The following IYD variants were observed in gnomAD, a reference collection of about 807,000 sequenced individuals.
IYD encodes iodotyrosine deiodinase 1.
Under a neutral mutation model 28.4 loss-of-function variants are expected in IYD, and 25 were observed. The ratio of observed to expected loss-of-function variants is 0.88; its 90% confidence interval spans 0.64 to 1.23. The LOEUF (loss-of-function observed/expected upper bound fraction) is 1.23, where lower values mean the gene tolerates loss of function less well. Among genes scored for constraint, IYD ranks in the 50% most tolerant of loss-of-function variants. The pLI is 0.00. For missense variants in IYD, 352 were observed against 357.9 expected (o/e 0.98, Z 0.13); for synonymous variants, 140 against 130.8 (o/e 1.07, Z -0.48).
At chr6:150,381,060 G>T (rs1029599260) in intron 1 of IYD, among the ~76,000 whole-genome samples, 3 of 152,168 alleles carry the variant, frequency 2.0e-5, no homozygotes, top group Non-Finnish European at 2.9e-5. Flanking sequence ...GTGAGCAACA[G>T]GAAGTTTATT....
intron 1 of IYD, among the ~76,000 whole-genome samples, chr6:150,384,061 A>C (rs1777767317): frequency 6.6e-6 from 1 of 152,180 alleles, no homozygotes; most frequent in Admixed American, 6.5e-5. Flanking sequence ...ATAATGATTC[A>C]GGTAGGACAC....
intron 1 of IYD, among the ~76,000 whole-genome samples, chr6:150,372,272 G>A (rs907223545): frequency 1.3e-5 from 2 of 151,016 alleles, no homozygotes; most frequent in Non-Finnish European, 2.9e-5. Context: ...GGGTTGTGGG[G>A]TGGTGAGGGG....
chr6:150,381,769 T>C (rs988529890), intron 1 of IYD, among the ~76,000 whole-genome samples: 11 of 152,250 alleles, frequency 7.2e-5, no homozygotes, highest in African/African-American at 2.2e-4. Flanking sequence ...TGCTGTTTTA[T>C]ATTTGTAAGG....
intron 1 of IYD, among the ~76,000 whole-genome samples, chr6:150,387,110 G>C (rs1582788769): frequency 6.6e-6 from 1 of 152,088 alleles, no homozygotes; most frequent in East Asian, 1.9e-4. Flanking sequence ...TGCCATTTAC[G>C]TAGCTTACCT....
intron 4 of IYD, chr6:150,395,338 A>G (rs1399877860): frequency 1.6e-6 from 2 of 1,287,716 alleles, no homozygotes; most frequent in African/African-American, 3.0e-5. Context: ...ATCTCAAAGA[A>G]AAACATGTAT....
intron 1 of IYD, among the ~76,000 whole-genome samples, chr6:150,378,977 G>C (rs995856088): frequency 6.6e-6 from 1 of 152,164 alleles, no homozygotes; most frequent in Non-Finnish European, 1.5e-5. Flanking sequence ...CTTCCAGAGG[G>C]CTCCAAATGG....
At chr6:150,377,204 A>G (rs756911431) in intron 1 of IYD, among the ~76,000 whole-genome samples, 2 of 152,198 alleles carry the variant, frequency 1.3e-5, no homozygotes, top group African/African-American at 2.4e-5. Flanking sequence ...AAAGCAGACC[A>G]TAATAGTATA....
rs1324411840 is a variant in IYD at position 150,400,087 on chromosome 6, T to A, written c.*1850T>A. ...CCTGCTTGGGATTCAGGTGAACAAATGTAACGTGGGTGGGTGAGGGACTCC... is the reference window on the plus strand; with the variant it reads ...CCTGCTTGGGATTCAGGTGAACAAAAGTAACGTGGGTGGGTGAGGGACTCC... On this transcript the variant is annotated 3_prime_UTR_variant, in exon 5 of 5. Transcript: ENST00000344419. The A allele has an allele frequency of 1.3e-5, 2 of 152,204 alleles. No homozygotes were observed. Among genetic ancestry groups the A allele is most frequent in the Non-Finnish European group, 1.5e-5 (1 of 68,076 alleles). 9.4% of individuals were successfully genotyped at this position (152,204 alleles called of 1,614,324 possible).
intron 4 of IYD, chr6:150,395,950 G>T: frequency 2.2e-6 from 1 of 444,550 alleles, no homozygotes; most frequent in Non-Finnish European, 4.0e-6. Context: ...CACTGGGTGG[G>T]GATGCTCTGC....
At chr6:150,369,245 CGTGTT>C (rs1416766326) in intron 1 of IYD, 36 bp downstream of exon 1, 5 of 1,597,622 alleles carry the variant, frequency 3.1e-6, no homozygotes, top group Non-Finnish European at 4.3e-6. Flanking sequence ...GCTTCGCTGT[CGTGTT>C]GTGTTGATGA....
At chr6:150,387,440 A>AT (rs1367572115) in intron 1 of IYD, among the ~76,000 whole-genome samples, 12 of 151,902 alleles carry the variant, frequency 7.9e-5, no homozygotes, top group African/African-American at 2.9e-4. Context: ...AAAAAAAAAA[A>AT]AAAAAAAAGA....
chr6:150,377,454 T>C (rs1777490314), intron 1 of IYD, among the ~76,000 whole-genome samples: 1 of 152,198 alleles, frequency 6.6e-6, no homozygotes. Context: ...TTCTGCCCTG[T>C]GAAAGGCTCC....
At chr6:150,372,763 T>TGG (rs1358162324) in intron 1 of IYD, among the ~76,000 whole-genome samples, 1 of 16,732 alleles carries the variant, frequency 6.0e-5, no homozygotes, top group African/African-American at 3.5e-4. Context: ...TATGTGTGTG[T>TGG]GGGTGGGGTG....
chr6:150,389,435 A>G lies in IYD; in HGVS notation c.262A>G (p.Lys88Glu), dbSNP rs2115047654. 6.2e-7 allele frequency: 1 copy of G among 1,613,526 alleles called. No homozygotes were observed. The highest frequency in any genetic ancestry group is 2.2e-5 in the East Asian group (1 of 44,868). ...HNHYPEKEMV[K>E]RSQEFYELLN... ...CCACTATCCTGAGAAGGAAATGGTT[A>G]AGAGGTCTCAGGAATTTTATGAACT... Residue 88 changes from lysine (K) to glutamate (E), a missense_variant, in exon 2 of 5, where the codon AAG (lysine) becomes GAG (glutamate). Transcript: ENST00000344419.
chr6:150,395,621 A>G, intron 4 of IYD: 2 of 1,345,580 alleles, frequency 1.5e-6, no homozygotes, highest in Non-Finnish European at 2.1e-6. Flanking sequence ...GCTGCCCCCT[A>G]GCTTTCATAA....
At chr6:150,384,478 C>T (rs1051115758) in intron 1 of IYD, 1 of 152,130 alleles carries the variant, frequency 6.6e-6, no homozygotes, top group Non-Finnish European at 1.5e-5. Flanking sequence ...TATTTTGCCT[C>T]CTAAGTTCTA....
chr6:150,375,054 A>G (rs1489073919), intron 1 of IYD, among the ~76,000 whole-genome samples: 5 of 152,080 alleles, frequency 3.3e-5, no homozygotes, highest in Non-Finnish European at 7.4e-5. Context: ...AGCCTTCCCA[A>G]TCCCTACCCA....
At chr6:150,376,215 C>T (rs1418951647) in intron 1 of IYD, among the ~76,000 whole-genome samples, 2 of 152,014 alleles carry the variant, frequency 1.3e-5, no homozygotes, top group African/African-American at 2.4e-5. Context: ...CTCCTGCTAG[C>T]GAAATATGAA....
intron 3 of IYD, among the ~76,000 whole-genome samples, chr6:150,393,419 G>A (rs62432511): frequency 0.15 from 22,997 of 152,206 alleles, 3,427 homozygotes; most frequent in African/African-American, 0.37. Flanking sequence ...CGTAAGAGGA[G>A]CCATGGAGAA....
Sources: gnomAD v4.1 joint callset for allele counts (sites outside exome capture counted in the v4.1 genomes callset) on GRCh38, gnomAD v4.1.1 for gene constraint, MANE v1.5 for transcripts, NCBI Gene and HGNC (gene_info 2026-07-23, HGNC 2026-07-21) for gene names.